ANKS1B: variants seen among roughly 807,000 people sequenced by gnomAD.
ANKS1B encodes ankyrin repeat and sterile alpha motif domain containing 1B.
ANKS1B carries 36 observed loss-of-function variants against 148.3 expected under a neutral mutation model. The observed-to-expected ratio is 0.24, with a 90% CI of 0.19 to 0.32. The LOEUF is 0.32. Ranked by LOEUF, ANKS1B falls within the 10% of genes least tolerant of loss-of-function variation. ANKS1B has a pLI of 1.00. For missense variants in ANKS1B, 1,157 were observed against 1,542.6 expected, an observed-to-expected ratio of 0.75 and a Z score of 4.19; for synonymous variants, 542 against 560.8, an observed-to-expected ratio of 0.97 and a Z score of 0.47.
chr12:98,939,441 A>G (rs2099831490), intron 17 of ANKS1B, among the ~76,000 whole-genome samples: 1 of 152,198 alleles, frequency 6.6e-6, no homozygotes. Flanking sequence ...GCCATTGGCC[A>G]TTGCGGTTAA....
In ANKS1B at chr12:99,378,652, C is replaced by CAAAAAAAA. The variant is rs140892353; in HGVS notation, c.1756+20971_1756+20978dup. On this transcript the variant is annotated intron_variant, in intron 12 of 26. Coordinates refer to ENST00000683438, the MANE Select transcript of ANKS1B (RefSeq NM_001352186.2). ...CTGGCAACGGAGTGAGACTCCATCTCAAAAAAAAAAAAAAAAAAAAAGAAA... is the reference window on the plus strand; with the variant it reads ...CTGGCAACGGAGTGAGACTCCATCTCAAAAAAAAAAAAAAAAAAAAAAAAAAAAAGAAA... Among the ~76,000 whole-genome samples the CAAAAAAAA allele has an allele frequency of 9.9e-5, 9 of 90,692 alleles. No homozygotes were observed. The East Asian group carries it at 1.5e-3, about 15-fold the overall frequency. The allele number at this position is 90,692 out of a possible 152,430, so 59.5% of individuals were successfully genotyped here.
At chr12:99,191,331 A>C (rs543089426) in intron 14 of ANKS1B, among the ~76,000 whole-genome samples, 2 of 152,226 alleles carry the variant, frequency 1.3e-5, no homozygotes, top group Non-Finnish European at 2.9e-5. Context: ...TTGACCCAAC[A>C]ATCCCATTAC....
At chr12:99,849,776 T>C (rs10860532) in intron 1 of ANKS1B, among the ~76,000 whole-genome samples, 17,344 of 152,114 alleles carry the variant, frequency 0.11, 1,434 homozygotes, top group African/African-American at 0.24. Context: ...TCTGAACAAG[T>C]TGAAAAACGA....
intron 9 of ANKS1B, among the ~76,000 whole-genome samples, chr12:99,517,097 C>T (rs770070887): frequency 8.6e-5 from 13 of 151,942 alleles, no homozygotes; most frequent in Non-Finnish European, 1.0e-4. Context: ...CTGTACATTG[C>T]TTTGGGTAGT....
intron 9 of ANKS1B, among the ~76,000 whole-genome samples, chr12:99,537,373 C>A (rs2097081178): frequency 6.6e-6 from 1 of 151,982 alleles, no homozygotes; most frequent in Non-Finnish European, 1.5e-5. Flanking sequence ...ATTTACATTC[C>A]CACTAACAGT....
chr12:99,151,867 C>G (rs1208414334), intron 15 of ANKS1B, among the ~76,000 whole-genome samples: 1 of 151,970 alleles, frequency 6.6e-6, no homozygotes, highest in African/African-American at 2.4e-5. Flanking sequence ...TTAATTATAC[C>G]CTTTTGATTT....
rs544215465 is a variant in ANKS1B, at chr12:99,523,729, T to C, written c.1273-19088A>G. Among the ~76,000 whole-genome samples the C allele has an allele frequency of 4.4e-4, 67 of 151,834 alleles. 1 individual carries two copies. The South Asian group carries it at 6.5e-3, about 15-fold the overall frequency. On this transcript the variant is annotated intron_variant, in intron 9 of 26. Transcript: ENST00000683438. Reference sequence around the variant, plus strand: ...CACCACGCCCGGCTAATTTTTTGTATTTTTAGTAAAGACAGGGTCTCACCC... The same window carrying C: ...CACCACGCCCGGCTAATTTTTTGTACTTTTAGTAAAGACAGGGTCTCACCC...
intron 8 of ANKS1B, among the ~76,000 whole-genome samples, chr12:99,685,289 C>G (rs1247011298): frequency 1.3e-5 from 2 of 152,082 alleles, no homozygotes; most frequent in Non-Finnish European, 2.9e-5. Context: ...ATAGACAATT[C>G]TCAAAAGAAG....
rs531745444 is a variant in ANKS1B, at chr12:99,935,847, C to T, written c.134+48257G>A. Among the ~76,000 whole-genome samples the T allele has an allele frequency of 7.8e-4, 118 of 151,838 alleles. 2 individuals carry two copies. Among genetic ancestry groups the T allele is most frequent in the African/African-American group, 2.5e-3 (102 of 41,382 alleles). On this transcript the variant is annotated intron_variant, in intron 1 of 26. Transcript: ENST00000683438. ...ACAGGATGTGTACCCTATAGGATGACGTATTAGTCCATTCTCACATTGCTA... is the reference window on the plus strand; with the variant it reads ...ACAGGATGTGTACCCTATAGGATGATGTATTAGTCCATTCTCACATTGCTA...
intron 12 of ANKS1B, among the ~76,000 whole-genome samples, chr12:99,264,419 G>A (rs1471385408): frequency 6.6e-6 from 1 of 152,022 alleles, no homozygotes; most frequent in Non-Finnish European, 1.5e-5. Flanking sequence ...TCATGATCCA[G>A]TGTATTTTTT....
intron 8 of ANKS1B, among the ~76,000 whole-genome samples, chr12:99,762,989 A>T (rs187017497): frequency 1.6e-4 from 25 of 152,302 alleles, no homozygotes; most frequent in Non-Finnish European, 2.9e-4. Flanking sequence ...AAGTTAAAAA[A>T]AAAACAGATG....
chr12:98,979,413 G>T (rs1284689619), intron 17 of ANKS1B, among the ~76,000 whole-genome samples: 1 of 151,614 alleles, frequency 6.6e-6, no homozygotes, highest in Admixed American at 6.6e-5. Context: ...GACTACAGGT[G>T]CATGCCACCA....
At chr12:99,154,426 G>T in intron 14 of ANKS1B, 31 bp from the exon 15 acceptor site, 1 of 1,613,776 alleles carries the variant, frequency 6.2e-7, no homozygotes, top group Non-Finnish European at 8.5e-7. Flanking sequence ...AAGCGTTTAA[G>T]CAGGGAGTAG....
intron 12 of ANKS1B, among the ~76,000 whole-genome samples, chr12:99,379,306 G>A (rs1315841184): frequency 6.6e-6 from 1 of 152,148 alleles, no homozygotes; most frequent in Non-Finnish European, 1.5e-5. Context: ...TGCAAGCCCT[G>A]AATCAGAATG....
At chr12:99,649,527 T>C in intron 9 of ANKS1B, 2 of 695,722 alleles carry the variant, frequency 2.9e-6, no homozygotes, top group Non-Finnish European at 4.9e-6. Context: ...CCACCACAGG[T>C]ACCATGGATG....
At chr12:99,016,820 C>T (rs1017352001) in intron 17 of ANKS1B, among the ~76,000 whole-genome samples, 1 of 152,176 alleles carries the variant, frequency 6.6e-6, no homozygotes, top group Non-Finnish European at 1.5e-5. Flanking sequence ...TACAGTATTG[C>T]TTCAGAGAAC....
intron 9 of ANKS1B, among the ~76,000 whole-genome samples, chr12:99,516,299 G>A (rs1412675031): frequency 1.3e-5 from 2 of 152,056 alleles, no homozygotes; most frequent in Non-Finnish European, 2.9e-5. Flanking sequence ...TTGGATTTAA[G>A]TCTTTAATCT....
At chr12:99,690,795 A>C (rs1325902267) in intron 8 of ANKS1B, among the ~76,000 whole-genome samples, 1 of 152,132 alleles carries the variant, frequency 6.6e-6, no homozygotes, top group Non-Finnish European at 1.5e-5. Flanking sequence ...TGGATCTATG[A>C]TTCCGAGGTT....
intron 1 of ANKS1B, among the ~76,000 whole-genome samples, chr12:99,907,144 G>A (rs1456591142): frequency 1.3e-5 from 2 of 152,176 alleles, no homozygotes; most frequent in Non-Finnish European, 2.9e-5. Flanking sequence ...GGCTTGTAAG[G>A]TTGGGACTCA....
Sources: allele counts gnomAD v4.1 joint callset (sites outside exome capture counted in the v4.1 genomes callset), GRCh38; gene constraint gnomAD v4.1.1; transcripts MANE v1.5; gene names NCBI Gene and HGNC (gene_info 2026-07-23, HGNC 2026-07-21).